Variants in KCNH8 observed in about 807,000 individuals in gnomAD.
KCNH8 encodes the protein voltage-gated delayed rectifier potassium channel KCNH8.
Under a neutral mutation model 103.6 loss-of-function variants are expected in KCNH8, and 70 were observed. The ratio of observed to expected loss-of-function variants is 0.68; its 90% CI spans 0.56 to 0.82. KCNH8 has a LOEUF of 0.82. KCNH8 is among the 40% of genes least tolerant of loss of function. The pLI is 0.00. For synonymous variants in KCNH8, 498 were observed against 489.4 expected (o/e 1.02, Z -0.23); for missense variants, 1,217 against 1,329.9 (o/e 0.92, Z 1.32).
At chr3:19,458,883 C>G (rs1166407644) in intron 11 of KCNH8, among the ~76,000 whole-genome samples, 2 of 151,954 alleles carry the variant, frequency 1.3e-5, no homozygotes. Context: ...TTTCACTAAG[C>G]ATAATGACCT....
chr3:19,436,569 T>G lies in KCNH8; in HGVS notation c.1178-1595T>G, dbSNP rs139295814. Among the ~76,000 whole-genome samples the G allele has an allele frequency of 5.3e-3, 803 of 152,332 alleles. 5 individuals are homozygous for G. The highest frequency in any genetic ancestry group is 0.018 in the African/African-American group (744 of 41,580). On this transcript the variant is annotated intron_variant, in intron 7 of 15. Transcript: ENST00000328405. ...TTTTCATCATCATTATTGCTTCTGC[T>G]TCATCAGCTGTAACACAGTTTAGGG...
At chr3:19,285,522 GGTCATGTTT>G (rs1317192026) in intron 3 of KCNH8, among the ~76,000 whole-genome samples, 1 of 151,814 alleles carries the variant, frequency 6.6e-6, no homozygotes, top group Non-Finnish European at 1.5e-5. Flanking sequence ...TAAAAGATGT[GGTCATGTTT>G]GTTATATTCT....
At chr3:19,508,625 T>C (rs896768426) in intron 11 of KCNH8, among the ~76,000 whole-genome samples, 26 of 152,138 alleles carry the variant, frequency 1.7e-4, no homozygotes, top group Non-Finnish European at 1.0e-4. Context: ...ATAATAACTG[T>C]GATGTTGGTC....
chr3:19,255,246 C>T (rs1449104989), intron 2 of KCNH8, among the ~76,000 whole-genome samples: 1 of 152,140 alleles, frequency 6.6e-6, no homozygotes, highest in Non-Finnish European at 1.5e-5. Context: ...ACTTCCAGAG[C>T]TGTGATAAAA....
chr3:19,476,965 C>T (rs2067989068), intron 11 of KCNH8, among the ~76,000 whole-genome samples: 1 of 152,042 alleles, frequency 6.6e-6, no homozygotes, highest in Non-Finnish European at 1.5e-5. Context: ...TGTATTCACA[C>T]CCATGAACAG....
intron 1 of KCNH8, among the ~76,000 whole-genome samples, chr3:19,180,247 AAGACAGAC>A (rs1250443179): frequency 7.7e-4 from 6 of 7,770 alleles, no homozygotes; most frequent in Admixed American, 3.6e-3. Flanking sequence ...TCAAAGGGCC[AAGACAGAC>A]TTGGCCCTTC....
intron 15 of KCNH8, among the ~76,000 whole-genome samples, chr3:19,526,388 G>A (rs541629044): frequency 6.6e-6 from 1 of 152,008 alleles, no homozygotes; most frequent in South Asian, 2.1e-4. Context: ...TAGCCAAGAT[G>A]GAGAAATATA....
At chr3:19,280,936 G>C (rs1296150273) in intron 2 of KCNH8, among the ~76,000 whole-genome samples, 2 of 152,188 alleles carry the variant, frequency 1.3e-5, no homozygotes, top group African/African-American at 4.8e-5. Context: ...TTTGAATAAT[G>C]TAAGCAGAAA....
At chr3:19,463,890 C>T (rs1465239121) in intron 11 of KCNH8, among the ~76,000 whole-genome samples, 2 of 152,070 alleles carry the variant, frequency 1.3e-5, no homozygotes, top group African/African-American at 4.8e-5. Context: ...TAACAGAATT[C>T]TGTATAGCAG....
intron 7 of KCNH8, among the ~76,000 whole-genome samples, chr3:19,436,164 A>G (rs889634192): frequency 1.7e-4 from 26 of 152,068 alleles, no homozygotes; most frequent in Admixed American, 1.6e-3. Context: ...CATGGAATCT[A>G]TTTTACTAAT....
intron 8 of KCNH8, among the ~76,000 whole-genome samples, chr3:19,443,036 T>C (rs987419977): frequency 7.2e-5 from 11 of 151,838 alleles, no homozygotes; most frequent in African/African-American, 2.7e-4. Flanking sequence ...TAAATTTATT[T>C]TGTTTACTTA....
intron 5 of KCNH8, among the ~76,000 whole-genome samples, chr3:19,361,347 C>G (rs1028322289): frequency 6.6e-6 from 1 of 152,080 alleles, no homozygotes; most frequent in African/African-American, 2.4e-5. Flanking sequence ...GAGTAAAGGG[C>G]TATCACATTG....
intron 1 of KCNH8, among the ~76,000 whole-genome samples, chr3:19,245,868 G>A (rs1320917828): frequency 2.0e-5 from 3 of 152,146 alleles, no homozygotes; most frequent in Non-Finnish European, 4.4e-5. Flanking sequence ...TCTAGGTATA[G>A]AGTAATATCA....
chr3:19,284,470 A>G (rs1425328160), intron 3 of KCNH8, among the ~76,000 whole-genome samples: 2 of 149,882 alleles, frequency 1.3e-5, no homozygotes, highest in African/African-American at 4.9e-5. Flanking sequence ...TCAAACTACT[A>G]TTTGTATGTA....
chr3:19,318,662 T>TGTACAC (rs1491117852), intron 3 of KCNH8, among the ~76,000 whole-genome samples: 14 of 142,520 alleles, frequency 9.8e-5, no homozygotes, highest in African/African-American at 3.6e-4. Flanking sequence ...TGTGTGTGTG[T>TGTACAC]ACACACACAC....
intron 12 of KCNH8, among the ~76,000 whole-genome samples, chr3:19,510,640 G>T (rs1175432872): frequency 6.6e-6 from 1 of 152,162 alleles, no homozygotes; most frequent in Non-Finnish European, 1.5e-5. Flanking sequence ...ACCAAAACAT[G>T]CCAAATGTAA....
At chr3:19,226,105 T>C (rs1339855438) in intron 1 of KCNH8, among the ~76,000 whole-genome samples, 2 of 152,226 alleles carry the variant, frequency 1.3e-5, no homozygotes, top group Non-Finnish European at 2.9e-5. Context: ...GGAATAAATA[T>C]TGAATGCTTG....
chr3:19,223,231 G>A (rs191964700), intron 1 of KCNH8, among the ~76,000 whole-genome samples: 23 of 152,198 alleles, frequency 1.5e-4, no homozygotes, highest in Non-Finnish European at 2.9e-4. Context: ...ACAGAGTCAC[G>A]CATTATTCAA....
intron 5 of KCNH8, among the ~76,000 whole-genome samples, chr3:19,377,214 C>G (rs976141172): frequency 6.6e-6 from 1 of 152,132 alleles, no homozygotes; most frequent in Non-Finnish European, 1.5e-5. Context: ...GGCAAGGAGA[C>G]AAATGAAAAG....
Sources: gnomAD v4.1 joint callset for allele counts (sites outside exome capture counted in the v4.1 genomes callset) on GRCh38, gnomAD v4.1.1 for gene constraint, MANE v1.5 for transcripts, NCBI Gene and HGNC (gene_info 2026-07-23, HGNC 2026-07-21) for gene names.